Variants in NAB1 observed in about 807,000 individuals in gnomAD.
NAB1 encodes the protein NGFI-A-binding protein 1.
NAB1 carries 25 observed loss-of-function variants against 49.9 expected under a neutral mutation model. The observed-to-expected ratio is 0.50, with a 90% CI of 0.37 to 0.70. NAB1 has a LOEUF of 0.70. Ranked by LOEUF, NAB1 falls within the 30% of genes least tolerant of loss-of-function variation. NAB1 has a pLI of 0.00. For synonymous variants in NAB1, 198 were observed against 215.6 expected (o/e 0.92, Z 0.71); for missense variants, 489 against 575.9 (o/e 0.85, Z 1.54).
rs17465186 is a variant in NAB1 at position 190,679,726 on chromosome 2, G to T, written c.1006-4012G>T. ...CTTTTTTGCCTGAGATCACACAGCT[G>T]GTTCCTAATGTGAAATGCCTAGATC... On this transcript the variant is annotated intron_variant, in intron 6 of 9. Coordinates refer to ENST00000337386, the MANE Select transcript of NAB1 (RefSeq NM_005966.4). The surrounding 1 kb of genome is among the most constrained non-coding windows in gnomAD (Gnocchi z 5.3). Among the ~76,000 whole-genome samples the T allele has an allele frequency of 0.023, 3,477 of 152,254 alleles. 55 individuals carry two copies. Among genetic ancestry groups the T allele is most frequent in the Non-Finnish European group, 0.039 (2,681 of 68,024 alleles).
At position 190,673,121 on chromosome 2, in the gene NAB1, A is replaced by G; in HGVS notation, c.974A>G (p.Asp325Gly). ...RTTKSKCGERDELSPKRIKVE... is the reference protein window; with the variant it reads ...RTTKSKCGERGELSPKRIKVE... The stretch of plus-strand genomic sequence containing the variant: ...CTTAGGTCAAAATGTGGAGAAAGAG[A>G]TGAATTATCCCCAAAGAGAATTAAA... Residue 325 changes from aspartate (D) to glycine (G), a missense_variant, in exon 6 of 10, where the codon GAT (aspartate) becomes GGT (glycine). Asp to Gly is a moderately conservative substitution (Grantham distance 94). This residue lies in a region of NAB1 where 212 missense variants were observed against 199.3 expected (regional missense o/e 1.06). Transcript: ENST00000337386. 6.2e-7 allele frequency: 1 copy of G among 1,608,084 alleles called. No homozygotes were observed. Among genetic ancestry groups the G allele is most frequent in the South Asian group, 1.1e-5 (1 of 90,874 alleles).
Position 190,666,624 on chromosome 2 carries a change from G to A in NAB1, c.820-3702G>A, listed in dbSNP as rs983315268. 7.9e-5 allele frequency among the ~76,000 whole-genome samples: 12 copies of A among 152,036 alleles called. No individual in the cohort carries two copies. Among genetic ancestry groups the A allele is most frequent in the Admixed American group, 2.6e-4 (4 of 15,274 alleles). On this transcript the variant is annotated intron_variant, in intron 4 of 9. Coordinates refer to ENST00000337386, the MANE Select transcript of NAB1 (RefSeq NM_005966.4). The surrounding 1 kb of genome is among the most constrained non-coding windows in gnomAD (Gnocchi z 5.6). ...CTTGGGAGGCTGAGACAGGAGAATC[G>A]CTTGAACCCGGGGCGCTGAGGTTGC...
Position 190,659,804 on chromosome 2 carries a change from C to T in NAB1, c.628C>T (p.Leu210=), listed in dbSNP as rs908523537. 6.2e-7 allele frequency: 1 copy of T among 1,614,220 alleles called. No individual in the cohort carries two copies. The highest frequency in any genetic ancestry group is 1.1e-5 in the South Asian group (1 of 91,092). ...GTGTGTGGAGCGGATGGCCCCCACA[C>T]TGCCAAAAAGTGACTTGAATGAAGT... ...AECVERMAPT[L]PKSDLNEVKE... The change falls in exon 4 of 10, where the codon CTG becomes TTG. Residue 210 remains leucine, a synonymous_variant. Coordinates refer to ENST00000337386, the MANE Select transcript of NAB1 (RefSeq NM_005966.4). The surrounding 1 kb of genome is among the most constrained non-coding windows in gnomAD (Gnocchi z 6.2).
In NAB1 at chr2:190,663,004, A is replaced by G. The variant is rs716253; in HGVS notation, c.819+3009A>G. Among the ~76,000 whole-genome samples the G allele has an allele frequency of 0.011, 1,716 of 152,260 alleles. 14 individuals are homozygous for G. Among genetic ancestry groups the G allele is most frequent in the South Asian group, 0.042 (205 of 4,824 alleles). On this transcript the variant is annotated intron_variant, in intron 4 of 9. Transcript: ENST00000337386. This position sits in a 1 kb window ranked among gnomAD's most constrained non-coding sequence, Gnocchi z 4.2. ...CTGAGTGTTTCAGAGGAGGCCAGCA[A>G]TTTCACCTTTGAGAGAGGAGGAATG...
rs1321192663 is a variant in NAB1, at chr2:190,690,415, A to G, written c.*82A>G. The G allele has an allele frequency of 1.2e-5, 13 of 1,086,862 alleles. No individual in the cohort carries two copies. The highest frequency in any genetic ancestry group is 1.8e-5 in the Admixed American group (1 of 56,236). 67.3% of individuals were successfully genotyped at this position (1,086,862 alleles called of 1,614,324 possible). A position where few individuals can be genotyped will look rare whatever the true frequency, so the allele number is the denominator to read the frequency against. On this transcript the variant is annotated 3_prime_UTR_variant, in exon 10 of 10. Transcript: ENST00000337386. Reference sequence around the variant, plus strand: ...ATCATAGAAATAAGCCTTAATAACCAGTGTTGCCTCATTCAGCTCAAACAG... The same window carrying G: ...ATCATAGAAATAAGCCTTAATAACCGGTGTTGCCTCATTCAGCTCAAACAG...
Position 190,685,195 on chromosome 2 carries a change from G to A in NAB1, c.1096-281G>A, listed in dbSNP as rs551787226. ...ATCCTTTAAAGGACTTAGTACCTTG[G>A]AAAACAAAGCTAAGGTTATGTTGCT... On this transcript the variant is annotated intron_variant, in intron 7 of 9. Coordinates refer to ENST00000337386, the MANE Select transcript of NAB1 (RefSeq NM_005966.4). This position sits in a 1 kb window ranked among gnomAD's most constrained non-coding sequence, Gnocchi z 4.5. 6.6e-6 allele frequency among the ~76,000 whole-genome samples: 1 copy of A among 152,300 alleles called. No homozygotes were observed. The highest frequency in any genetic ancestry group is 1.5e-5 in the Non-Finnish European group (1 of 68,022).
At position 190,680,506 on chromosome 2, in the gene NAB1, C is replaced by A. The variant is rs1695283422; in HGVS notation, c.1006-3232C>A. On this transcript the variant is annotated intron_variant, in intron 6 of 9. Coordinates refer to ENST00000337386, the MANE Select transcript of NAB1 (RefSeq NM_005966.4). This position sits in a 1 kb window ranked among gnomAD's most constrained non-coding sequence, Gnocchi z 5.2. The stretch of plus-strand genomic sequence containing the variant: ...CTGTGCTCTGGGTCTCCGTCCATTT[C>A]CCTCCCTGGACTGTGTTGTCAGGAG... Among the ~76,000 whole-genome samples, 1 of 152,238 alleles carries A rather than the reference C, an allele frequency of 6.6e-6. No homozygotes were observed. The highest frequency in any genetic ancestry group is 1.5e-5 in the Non-Finnish European group (1 of 68,046).
rs1574429363 is a variant in NAB1, at chr2:190,660,969, G to T, written c.819+974G>T. 2.0e-5 allele frequency among the ~76,000 whole-genome samples: 3 copies of T among 150,944 alleles called. 1 individual carries two copies. The highest frequency in any genetic ancestry group is 1.3e-4 in the Admixed American group (2 of 15,202). ...TTTTTTTTTTTTTTTTGAGATGGGG[G>T]TCTCACTCTGTCACGCAAGCTAGAG... is the stretch of plus-strand genomic sequence containing the variant. On this transcript the variant is annotated intron_variant, in intron 4 of 9. Coordinates refer to ENST00000337386, the MANE Select transcript of NAB1 (RefSeq NM_005966.4).
In NAB1 at chr2:190,657,508, C is replaced by A. The variant is rs1174122470; in HGVS notation, c.-20+1355C>A. On this transcript the variant is annotated intron_variant, in intron 3 of 9. Transcript: ENST00000337386. This position sits in a 1 kb window ranked among gnomAD's most constrained non-coding sequence, Gnocchi z 4.4. ...TGGGAAACTGTATTTTTCAAAAGCA[C>A]CCCAGGTGATTTCCTGGGTTTTAGT... Among the ~76,000 whole-genome samples the A allele has an allele frequency of 6.6e-6, 1 of 152,158 alleles. No individual in the cohort carries two copies. Among genetic ancestry groups the A allele is most frequent in the African/African-American group, 2.4e-5 (1 of 41,430 alleles).
In NAB1 at chr2:190,687,282, G is replaced by A. The variant is rs1211588123; in HGVS notation, c.1340G>A (p.Arg447Lys). ...TTTGTGGTGGATGGGGAGCTGAGCAGACTTTACCCCAGTGAGGCAAAGTCC... is the reference window on the plus strand; with the variant it reads ...TTTGTGGTGGATGGGGAGCTGAGCAAACTTTACCCCAGTGAGGCAAAGTCC... The part of the protein sequence containing the change: ...HHFVVDGELS[R>K]LYPSEAKSHS... Residue 447 changes from arginine (R) to lysine (K), a missense_variant, in exon 9 of 10, where the codon AGA becomes AAA. By Grantham distance (26) the Arg-to-Lys change is conservative (BLOSUM62 2). Around this residue, in one of 4 missense-constraint regions of NAB1, gnomAD observed 212 missense variants for 199.3 expected, o/e 1.06. Coordinates refer to ENST00000337386, the MANE Select transcript of NAB1 (RefSeq NM_005966.4). 1.3e-6 allele frequency: 2 copies of A among 1,597,952 alleles called. No individual in the cohort carries two copies. Among genetic ancestry groups the A allele is most frequent in the Non-Finnish European group, 8.5e-7 (1 of 1,175,602 alleles).
At chr2:190,683,297 ATTT>A (rs767640681) in intron 6 of NAB1, among the ~76,000 whole-genome samples, 20 of 76,138 alleles carry the variant, frequency 2.6e-4, no homozygotes, top group Admixed American at 1.1e-3. Flanking sequence ...CTCCCAGCTA[ATTT>A]TTTTTTTTTT....
In NAB1 at chr2:190,663,906, A is replaced by AT. The variant is rs1251159424; in HGVS notation, c.819+3919dup. Among the ~76,000 whole-genome samples the AT allele has an allele frequency of 2.6e-5, 4 of 151,710 alleles. No homozygotes were observed. Among genetic ancestry groups the AT allele is most frequent in the Admixed American group, 6.6e-5 (1 of 15,224 alleles). ...GTTTCTTTATTTCCAAATATGAGTA[A>AT]TTTTTTTTCCTTATTTTTCCTAATG... On this transcript the variant is annotated intron_variant, in intron 4 of 9. Coordinates refer to ENST00000337386, the MANE Select transcript of NAB1 (RefSeq NM_005966.4). The surrounding 1 kb of genome is among the most constrained non-coding windows in gnomAD (Gnocchi z 4.2).
rs917769209 is a variant in NAB1 at position 190,678,706 on chromosome 2, G to A, written c.1006-5032G>A. ...GGGGTGGGAGAGCAAGGAAGGGGGAGGAAAGAGGTTCAGAATATCCACCTA... is the reference window on the plus strand; with the variant it reads ...GGGGTGGGAGAGCAAGGAAGGGGGAAGAAAGAGGTTCAGAATATCCACCTA... On this transcript the variant is annotated intron_variant, in intron 6 of 9. Transcript: ENST00000337386. The surrounding 1 kb of genome is among the most constrained non-coding windows in gnomAD (Gnocchi z 4.9). Among the ~76,000 whole-genome samples, 3 of 152,124 alleles carry A rather than the reference G, an allele frequency of 2.0e-5. No individual in the cohort carries two copies. Among genetic ancestry groups the A allele is most frequent in the Non-Finnish European group, 2.9e-5 (2 of 68,022 alleles).
Position 190,685,521 on chromosome 2 carries a change from C to T in NAB1, c.1141C>T (p.Gln381Ter). Residue 381 changes from glutamine to a stop codon, truncating the protein, a stop_gained, in exon 8 of 10, where the codon CAA becomes TAA. Coordinates refer to ENST00000337386, the MANE Select transcript of NAB1 (RefSeq NM_005966.4). LOFTEE classifies it high-confidence loss of function. The surrounding 1 kb of genome is among the most constrained non-coding windows in gnomAD (Gnocchi z 4.5). ...MAKQMEFLCN[Q>*]AGYERLQHAE... ...AAAGCAGATGGAGTTCCTTTGCAAC[C>T]AAGCTGGCTATGAGAGACTGCAGCA... 1 of 1,613,606 alleles carries T rather than the reference C, an allele frequency of 6.2e-7. No individual in the cohort carries two copies. The highest frequency in any genetic ancestry group is 8.5e-7 in the Non-Finnish European group (1 of 1,179,868).
In NAB1 at chr2:190,651,132, A is replaced by G. The variant is rs1319812071; in HGVS notation, c.-197+1150A>G. Among the ~76,000 whole-genome samples, 1 of 152,242 alleles carries G rather than the reference A, an allele frequency of 6.6e-6. No individual in the cohort carries two copies. The highest frequency in any genetic ancestry group is 1.5e-5 in the Non-Finnish European group (1 of 68,038). ...GATTTTTATTTTATTCTGCCTGCTA[A>G]TTATGGATGTAATTCAAATGACAGA... is the stretch of plus-strand genomic sequence containing the variant. On this transcript the variant is annotated intron_variant, in intron 2 of 9. Coordinates refer to ENST00000337386, the MANE Select transcript of NAB1 (RefSeq NM_005966.4). The surrounding 1 kb of genome is among the most constrained non-coding windows in gnomAD (Gnocchi z 4.3).
At position 190,649,441 on chromosome 2, in the gene NAB1, T is replaced by G. The variant is rs1693527702; in HGVS notation, c.-334+81T>G. On this transcript the variant is annotated intron_variant, in intron 1 of 9. Transcript: ENST00000337386. This position sits in a 1 kb window ranked among gnomAD's most constrained non-coding sequence, Gnocchi z 6.1. ...CGCGGCTGAGCGGCCACGGGCGAAC[T>G]TGGGGCGGCTGAGTCGCGGGGCCAC... The G allele has an allele frequency of 6.6e-6, 1 of 152,054 alleles. No homozygotes were observed. Among genetic ancestry groups the G allele is most frequent in the South Asian group, 2.1e-4 (1 of 4,822 alleles). 9.4% of individuals were successfully genotyped at this position (152,054 alleles called of 1,614,324 possible).
chr2:190,687,230 A>G lies in NAB1; in HGVS notation c.1288A>G (p.Asn430Asp), dbSNP rs367994984. The G allele has an allele frequency of 7.5e-6, 12 of 1,590,934 alleles. No homozygotes were observed. The highest frequency in any genetic ancestry group is 1.4e-5 in the African/African-American group (1 of 72,978). Residue 430 changes from asparagine (N) to aspartate (D), a missense_variant, in exon 9 of 10, where the codon AAT becomes GAT. Asn to Asp is a conservative substitution (Grantham distance 23). Coordinates refer to ENST00000337386, the MANE Select transcript of NAB1 (RefSeq NM_005966.4). ...GERPLNLRMP[N>D]LQNRQPHHFV... Reference sequence around the variant, plus strand: ...AAGACCTTTGAATCTCCGAATGCCTAATTTACAGAACAGACAACCCCATCA... The same window carrying G: ...AAGACCTTTGAATCTCCGAATGCCTGATTTACAGAACAGACAACCCCATCA...
chr2:190,662,483 G>T (rs1694276945), intron 4 of NAB1, among the ~76,000 whole-genome samples: 1 of 151,944 alleles, frequency 6.6e-6, no homozygotes. Flanking sequence ...GAGAGTGAGG[G>T]CTGAAGCTTA....
At position 190,683,735 on chromosome 2, in the gene NAB1, C is replaced by T. The variant is rs1695470077; in HGVS notation, c.1006-3C>T. 7.5e-6 allele frequency: 12 copies of T among 1,608,196 alleles called. No homozygotes were observed. The East Asian group carries it at 2.5e-4, about 33-fold the overall frequency. ...TATAAAGGACTTCTTATTTGACCCA[C>T]AGGATGGGTTTCCAGATTTCCAGGA... On this transcript the variant is annotated splice_region_variant and splice_polypyrimidine_tract_variant and intron_variant, in intron 6 of 9. Transcript: ENST00000337386.
Sources: allele counts gnomAD v4.1 joint callset (sites outside exome capture counted in the v4.1 genomes callset), GRCh38; gene constraint gnomAD v4.1.1; regional missense constraint gnomAD v4.1.1; non-coding constraint Gnocchi (gnomAD v3.1); transcripts MANE v1.5; gene names NCBI Gene and HGNC (gene_info 2026-07-23, HGNC 2026-07-21).